The following BCL11A variants were observed in gnomAD, a reference collection of about 807,000 sequenced individuals.
The protein encoded by BCL11A is BCL11 transcription factor A.
In BCL11A, 2 loss-of-function variants were observed where a neutral mutation model predicts 55.9. The ratio of observed to expected loss-of-function variants is 0.04; its 90% confidence interval spans 0.01 to 0.11. The LOEUF is 0.11. BCL11A is among the 10% of genes least tolerant of loss of function. The probability of loss-of-function intolerance (pLI) is 1.00; values close to 1 mark genes in which losing one functional copy is unlikely to be tolerated. For synonymous variants in BCL11A, 465 were observed against 473.4 expected (o/e 0.98, Z 0.23); for missense variants, 817 against 1,137.1 (o/e 0.72, Z 4.05).
chr2:60,527,839 T>C (rs969501441), intron 2 of BCL11A: 5 of 152,242 alleles, frequency 3.3e-5, no homozygotes, highest in African/African-American at 1.2e-4. Flanking sequence ...ACAGTAACAT[T>C]TGGTTTTGGA....
chr2:60,465,094 T>C (rs887261253), intron 3 of BCL11A, among the ~76,000 whole-genome samples: 14 of 152,224 alleles, frequency 9.2e-5, no homozygotes, highest in East Asian at 1.9e-4. Flanking sequence ...AAATGATGCA[T>C]TACAATTTCA....
intron 2 of BCL11A, chr2:60,528,093 C>G (rs1318196166): frequency 6.6e-6 from 1 of 152,524 alleles, no homozygotes; most frequent in African/African-American, 2.4e-5. Context: ...AAATGAAAAC[C>G]TCCTCGAAGC....
chr2:60,540,713 G>A (rs949776960), intron 2 of BCL11A, among the ~76,000 whole-genome samples: 4 of 152,192 alleles, frequency 2.6e-5, no homozygotes. Flanking sequence ...TCTAAAAGAT[G>A]CCATTAATAA....
At chr2:60,511,150 A>T (rs1172105626) in intron 2 of BCL11A, among the ~76,000 whole-genome samples, 1 of 152,174 alleles carries the variant, frequency 6.6e-6, no homozygotes, top group Non-Finnish European at 1.5e-5. Context: ...CCTCCACGGC[A>T]TTACTCTCCC....
At chr2:60,538,976 T>C (rs1193328245) in intron 2 of BCL11A, among the ~76,000 whole-genome samples, 18 of 152,178 alleles carry the variant, frequency 1.2e-4, no homozygotes, top group Admixed American at 1.2e-3. Context: ...AAAAAAATTC[T>C]GGTGGTGAAT....
intron 2 of BCL11A, among the ~76,000 whole-genome samples, chr2:60,503,739 T>C (rs2104423558): frequency 6.6e-6 from 1 of 152,282 alleles, no homozygotes; most frequent in East Asian, 1.9e-4. Context: ...TTGTGAGGAC[T>C]AATTTAACCC....
chr2:60,452,690 G>A (rs376248698), downstream of BCL11A: 22 of 1,572,294 alleles, frequency 1.4e-5, no homozygotes, highest in East Asian at 2.7e-4. Flanking sequence ...GGAGACAGAG[G>A]AGGGGGAAAA....
At chr2:60,454,855 C>T (rs985722595), downstream of BCL11A, among the ~76,000 whole-genome samples, 1 of 152,184 alleles carries the variant, frequency 6.6e-6, no homozygotes, top group South Asian at 2.1e-4. Flanking sequence ...TGATTATATA[C>T]AATATGTACT....
In BCL11A at chr2:60,459,563, C is replaced by G. The variant is rs1304005508; in HGVS notation, c.*841G>C. The G allele has an allele frequency of 9.8e-7, 1 of 1,024,848 alleles. No homozygotes were observed. Among genetic ancestry groups the G allele is most frequent in the Non-Finnish European group, 1.2e-6 (1 of 853,208 alleles). 63.5% of individuals were successfully genotyped at this position (1,024,848 alleles called of 1,614,324 possible). A position where few individuals can be genotyped will look rare whatever the true frequency, so the allele number is the denominator to read the frequency against. On this transcript the variant is annotated 3_prime_UTR_variant, in exon 4 of 4. Transcript: ENST00000642384. ...TAGGTAGCCATTGTTGTGAGAAATA[C>G]AATATAGAATTATATGCTAGTTCCT...
chr2:60,495,644 C>CA (rs1337325929), intron 2 of BCL11A: 1 of 152,246 alleles, frequency 6.6e-6, no homozygotes, highest in Non-Finnish European at 1.5e-5. Context: ...GTGATGCTTA[C>CA]ATATAACGTC....
chr2:60,519,883 T>G (rs1220796377), intron 2 of BCL11A, among the ~76,000 whole-genome samples: 1 of 152,236 alleles, frequency 6.6e-6, no homozygotes, highest in Non-Finnish European at 1.5e-5. Flanking sequence ...TGCCAATCCA[T>G]AACTCAGGAA....
chr2:60,526,532 A>G (rs1182860504), intron 2 of BCL11A: 2 of 152,204 alleles, frequency 1.3e-5, no homozygotes, highest in Non-Finnish European at 2.9e-5. Context: ...ATGGGTATTT[A>G]TAATTAGAAC....
At chr2:60,545,137 G>A (rs1470867304) in intron 2 of BCL11A, 1 of 152,248 alleles carries the variant, frequency 6.6e-6, no homozygotes, top group Non-Finnish European at 1.5e-5. Context: ...ACAAAATCAA[G>A]ATACATCTGT....
At chr2:60,489,510 G>A (rs990377585) in intron 2 of BCL11A, among the ~76,000 whole-genome samples, 1 of 152,208 alleles carries the variant, frequency 6.6e-6, no homozygotes, top group East Asian at 1.9e-4. Flanking sequence ...CAGCCACACT[G>A]TGTGCCAAGT....
Position 60,458,716 on chromosome 2 carries a change from C to T in BCL11A, c.*1688G>A, listed in dbSNP as rs1184952115. On this transcript the variant is annotated 3_prime_UTR_variant, in exon 4 of 4. Transcript: ENST00000642384. ...AGACCTGTAAACTGGGAAAATTGTA[C>T]AGTGCACTTAATTGTCCTATCTGAG... is the stretch of plus-strand genomic sequence containing the variant. 1 of 1,032,140 alleles carries T rather than the reference C, an allele frequency of 9.7e-7. No homozygotes were observed. Among genetic ancestry groups the T allele is most frequent in the Non-Finnish European group, 1.2e-6 (1 of 858,222 alleles). 63.9% of individuals were successfully genotyped at this position (1,032,140 alleles called of 1,614,324 possible). A position where few individuals can be genotyped will look rare whatever the true frequency, so the allele number is the denominator to read the frequency against.
At chr2:60,472,734 T>C (rs1677278381) in intron 2 of BCL11A, among the ~76,000 whole-genome samples, 1 of 152,242 alleles carries the variant, frequency 6.6e-6, no homozygotes, top group Non-Finnish European at 1.5e-5. Flanking sequence ...CAAGAACATC[T>C]CAAAGATTCC....
At position 60,461,289 on chromosome 2, in the gene BCL11A, G is replaced by A; in HGVS notation, c.1623C>T (p.Arg541=). 6.2e-7 allele frequency: 1 copy of A among 1,603,534 alleles called. No homozygotes were observed. The highest frequency in any genetic ancestry group is 8.5e-7 in the Non-Finnish European group (1 of 1,178,932). The change falls in exon 4 of 4, where the codon CGC becomes CGT. Residue 541 remains arginine (R), a synonymous_variant. Coordinates refer to ENST00000642384, the MANE Select transcript of BCL11A (RefSeq NM_022893.4). The part of the protein sequence containing the change: ...GAVVGVGDES[R]ALPDVMQGMV... ...TGCCCTGCATGACGTCGGGCAGGGC[G>A]CGGCTCTCGTCGCCCACGCCCACGA...
intron 2 of BCL11A, among the ~76,000 whole-genome samples, chr2:60,500,716 T>C (rs1011375915): frequency 5.9e-5 from 9 of 152,112 alleles, no homozygotes; most frequent in African/African-American, 1.9e-4. Flanking sequence ...GAACTCACAG[T>C]CGGGGCACCT....
chr2:60,527,055 C>G (rs978501010), intron 2 of BCL11A: 2 of 152,230 alleles, frequency 1.3e-5, no homozygotes, highest in Admixed American at 1.3e-4. Flanking sequence ...TTCCATTGCT[C>G]TCACCATTCG....
Sources: allele counts gnomAD v4.1 joint callset (sites outside exome capture counted in the v4.1 genomes callset), GRCh38; gene constraint gnomAD v4.1.1; transcripts MANE v1.5; gene names NCBI Gene and HGNC (gene_info 2026-07-23, HGNC 2026-07-21).